Variants in PLAAT1 observed in about 807,000 individuals in gnomAD.
PLAAT1 encodes H-REV107 protein-related protein.
In PLAAT1, 13 loss-of-function variants were observed where a neutral mutation model predicts 16.4. The observed-to-expected ratio is 0.79, with a 90% CI of 0.52 to 1.26. The LOEUF (loss-of-function observed/expected upper bound fraction) is 1.26, where lower values mean the gene tolerates loss of function less well. PLAAT1 is among the 50% of genes most tolerant of loss of function. The pLI is 0.00. For missense variants in PLAAT1, 218 were observed against 207.8 expected (o/e 1.05, Z -0.30); for synonymous variants, 73 against 78.4 (o/e 0.93, Z 0.36).
At chr3:193,274,867 A>C, downstream of PLAAT1, 1 of 800,672 alleles carries the variant, frequency 1.2e-6, no homozygotes, top group South Asian at 1.8e-5. Context: ...TAAAGCATAC[A>C]GTCAGAATAA....
At chr3:193,264,398 G>A in intron 3 of PLAAT1, among the ~76,000 whole-genome samples, 1 of 152,192 alleles carries the variant, frequency 6.6e-6, no homozygotes, top group East Asian at 1.9e-4. Context: ...GGCTAATGAT[G>A]TTGGGCATCA....
At chr3:193,248,767 G>T (rs1200250518) in intron 1 of PLAAT1, among the ~76,000 whole-genome samples, 1 of 152,084 alleles carries the variant, frequency 6.6e-6, no homozygotes, top group Non-Finnish European at 1.5e-5. Context: ...CATTAGCAAA[G>T]TATAGTTGCT....
chr3:193,248,811 C>T (rs1405420709), intron 1 of PLAAT1, among the ~76,000 whole-genome samples: 3 of 152,080 alleles, frequency 2.0e-5, no homozygotes, highest in Non-Finnish European at 4.4e-5. Context: ...TTCTTTTAAC[C>T]TTTATATTAG....
intron 2 of PLAAT1, chr3:193,276,811 G>T: frequency 1.2e-6 from 2 of 1,613,376 alleles, no homozygotes; most frequent in Admixed American, 1.7e-5. Flanking sequence ...AACCCTCCAC[G>T]ATGTTATGGT....
At chr3:193,253,498 A>G (rs1023356854) in intron 1 of PLAAT1, among the ~76,000 whole-genome samples, 2 of 152,190 alleles carry the variant, frequency 1.3e-5, no homozygotes, top group South Asian at 4.1e-4. Flanking sequence ...GGCATTTGCA[A>G]CAGTTTTTTT....
downstream of PLAAT1, chr3:193,270,921 A>G: frequency 2.0e-6 from 2 of 992,136 alleles, no homozygotes; most frequent in Non-Finnish European, 2.6e-6. Flanking sequence ...TGAACGGAGA[A>G]GCAGTAGTCT....
chr3:193,267,145 T>C (rs1716808921), intron 3 of PLAAT1, among the ~76,000 whole-genome samples: 1 of 152,186 alleles, frequency 6.6e-6, no homozygotes, highest in Admixed American at 6.5e-5. Context: ...AGCCATCTCC[T>C]TCATCAATAT....
intron 1 of PLAAT1, among the ~76,000 whole-genome samples, chr3:193,244,976 C>T (rs1715925268): frequency 6.6e-6 from 1 of 152,186 alleles, no homozygotes; most frequent in African/African-American, 2.4e-5. Flanking sequence ...TTTCAACATG[C>T]ATTTTGGAGG....
At chr3:193,258,257 A>G (rs1260226365) in intron 2 of PLAAT1, among the ~76,000 whole-genome samples, 1 of 152,182 alleles carries the variant, frequency 6.6e-6, no homozygotes, top group Non-Finnish European at 1.5e-5. Flanking sequence ...GGATGCGCCT[A>G]AATCAATGTT....
intron 3 of PLAAT1, among the ~76,000 whole-genome samples, chr3:193,265,356 T>C (rs934730034): frequency 1.3e-5 from 2 of 152,184 alleles, no homozygotes; most frequent in African/African-American, 2.4e-5. Context: ...TTGAAAACAT[T>C]ATGCCAAGTT....
intron 3 of PLAAT1, among the ~76,000 whole-genome samples, chr3:193,267,241 G>T (rs1716812487): frequency 6.6e-6 from 1 of 152,006 alleles, no homozygotes; most frequent in African/African-American, 2.4e-5. Context: ...TTACATTAGG[G>T]TTCGCTGGTT....
chr3:193,266,782 A>G (rs1459968824), intron 3 of PLAAT1, among the ~76,000 whole-genome samples: 1 of 152,208 alleles, frequency 6.6e-6, no homozygotes, highest in Non-Finnish European at 1.5e-5. Context: ...CGTTGTTAGC[A>G]TAGTCAATAA....
chr3:193,259,475 G>A (rs777632924), intron 2 of PLAAT1, among the ~76,000 whole-genome samples: 3 of 152,080 alleles, frequency 2.0e-5, no homozygotes, highest in Non-Finnish European at 2.9e-5. Context: ...TACCTAGAAA[G>A]CCCTACAGAC....
chr3:193,246,562 A>G (rs769841702), intron 1 of PLAAT1, among the ~76,000 whole-genome samples: 17 of 152,030 alleles, frequency 1.1e-4, no homozygotes, highest in African/African-American at 1.7e-4. Context: ...AGGTTTAGCC[A>G]TGTTTCCTAG....
At chr3:193,248,581 T>G (rs1716068302) in intron 1 of PLAAT1, among the ~76,000 whole-genome samples, 1 of 152,116 alleles carries the variant, frequency 6.6e-6, no homozygotes, top group Admixed American at 6.5e-5. Context: ...GTGTATCTAC[T>G]AAGAATTTTT....
Position 193,270,737 on chromosome 3 carries a change from A to G in PLAAT1, c.*32A>G, listed in dbSNP as rs75789743. 1.9e-4 allele frequency: 309 copies of G among 1,601,930 alleles called. 2 individuals carry two copies. In the East Asian group the frequency reaches 6.8e-3, roughly 35 times the overall value. On this transcript the variant is annotated 3_prime_UTR_variant, in exon 4 of 4. Transcript: ENST00000264735. ...ACCAAAGAGATATTGATATTGAAGG[A>G]ATTTGGGAGGAGGAAAAGAAACCTG...
downstream of PLAAT1, chr3:193,270,879 T>C (rs1305303282): frequency 6.2e-6 from 8 of 1,295,206 alleles, no homozygotes; most frequent in African/African-American, 5.9e-5. Flanking sequence ...GAAATTTTTT[T>C]CCCCTGCTAG....
intron 2 of PLAAT1, chr3:193,276,713 G>A (rs1413275277): frequency 6.9e-7 from 1 of 1,447,998 alleles, no homozygotes; most frequent in South Asian, 1.2e-5. Flanking sequence ...TCCTTAATTT[G>A]TTTATCTTCC....
chr3:193,270,104 A>ACACT (rs997684517), intron 3 of PLAAT1, among the ~76,000 whole-genome samples: 3 of 149,792 alleles, frequency 2.0e-5, no homozygotes, highest in African/African-American at 5.0e-5. Flanking sequence ...ACACACACAC[A>ACACT]CTCTTACACG....
Sources: gnomAD v4.1 joint callset for allele counts (sites outside exome capture counted in the v4.1 genomes callset) on GRCh38, gnomAD v4.1.1 for gene constraint, MANE v1.5 for transcripts, NCBI Gene and HGNC (gene_info 2026-07-23, HGNC 2026-07-21) for gene names.